Variants in SLTM observed in about 807,000 individuals in gnomAD.
SLTM encodes the protein SAFB-like transcription modulator.
A neutral mutation model predicts 134.6 loss-of-function variants in SLTM; 43 were observed. The ratio of observed to expected loss-of-function variants is 0.32; its 90% CI spans 0.25 to 0.41. The LOEUF (loss-of-function observed/expected upper bound fraction) is 0.41. Ranked by LOEUF, SLTM falls within the 10% of genes least tolerant of loss-of-function variation. SLTM has a pLI of 1.00. For missense variants in SLTM, 1,055 were observed against 1,288.8 expected (o/e 0.82, Z 2.78); for synonymous variants, 424 against 432.3 (o/e 0.98, Z 0.24).
intron 8 of SLTM, 54 bp downstream of exon 8, chr15:58,898,749 T>G: frequency 7.2e-7 from 1 of 1,394,198 alleles, no homozygotes; most frequent in South Asian, 1.2e-5. Context: ...TACTACTTTT[T>G]AATGAAAATA....
rs1467391730 is a variant in SLTM, at chr15:58,926,390, C to T, written c.250+5966G>A. 1.3e-5 allele frequency among the ~76,000 whole-genome samples: 2 copies of T among 152,104 alleles called. 1 individual carries two copies. The highest frequency in any genetic ancestry group is 4.8e-5 in the African/African-American group (2 of 41,420). On this transcript the variant is annotated intron_variant, in intron 2 of 20. Coordinates refer to ENST00000380516, the MANE Select transcript of SLTM (RefSeq NM_024755.4). ...TTTAAACATAAACCTCCTGTAAGTA[C>T]TTGCACATACACCTACACAACTTAG...
In SLTM at chr15:58,899,442, G is replaced by A. The variant is rs757124078; in HGVS notation, c.1058+27C>T. 8.9e-6 allele frequency: 14 copies of A among 1,577,128 alleles called. No homozygotes were observed. The highest frequency in any genetic ancestry group is 2.2e-5 in the East Asian group (1 of 44,668). Reference sequence around the variant, plus strand: ...TTATTGAATGCTGGAATTCAGTATCGTAAAGAACTGACATAGAAAAACAAA... The same window carrying A: ...TTATTGAATGCTGGAATTCAGTATCATAAAGAACTGACATAGAAAAACAAA... On this transcript the variant is annotated intron_variant, in intron 7 of 20. Transcript: ENST00000380516. The surrounding 1 kb of genome is among the most constrained non-coding windows in gnomAD (Gnocchi z 5.0).
intron 5 of SLTM, among the ~76,000 whole-genome samples, chr15:58,907,128 A>G (rs1324922720): frequency 2.6e-5 from 4 of 151,148 alleles, no homozygotes; most frequent in African/African-American, 9.7e-5. Context: ...AGCACTACAT[A>G]AAAGAGAGAG....
chr15:58,898,268 A>G (rs1377748235), intron 8 of SLTM: 1 of 152,206 alleles, frequency 6.6e-6, no homozygotes, highest in Non-Finnish European at 1.5e-5. Context: ...TAAACACAGC[A>G]CATGTACAAG....
chr15:58,893,566 C>G (rs1304024748), intron 12 of SLTM, among the ~76,000 whole-genome samples: 1 of 152,138 alleles, frequency 6.6e-6, no homozygotes, highest in Non-Finnish European at 1.5e-5. Context: ...ACCAAAAGAT[C>G]CTAATTCAAT....
intron 5 of SLTM, among the ~76,000 whole-genome samples, chr15:58,906,113 G>A (rs1352485771): frequency 6.6e-6 from 1 of 152,128 alleles, no homozygotes. Context: ...CAAAATACTT[G>A]CAATAAGGAA....
In SLTM at chr15:58,917,883, G is replaced by A. The variant is rs193041409; in HGVS notation, c.251-884C>T. 6.6e-4 allele frequency among the ~76,000 whole-genome samples: 100 copies of A among 152,076 alleles called. 1 individual carries two copies. The highest frequency in any genetic ancestry group is 2.1e-3 in the Admixed American group (32 of 15,264). On this transcript the variant is annotated intron_variant, in intron 2 of 20. Coordinates refer to ENST00000380516, the MANE Select transcript of SLTM (RefSeq NM_024755.4). ...TCCTACCTCAGCCTCCCAAGTAGCT[G>A]GAATTACAGGCACGAGGCACCATGC...
chr15:58,884,696 C>A (rs2034038775), intron 19 of SLTM, among the ~76,000 whole-genome samples: 1 of 151,710 alleles, frequency 6.6e-6, no homozygotes, highest in South Asian at 2.1e-4. Flanking sequence ...AGTGTTGCTA[C>A]CGTAACTCAC....
chr15:58,917,085 T>C (rs2036702873), intron 2 of SLTM, 86 bp from the exon 3 acceptor site: 3 of 1,190,108 alleles, frequency 2.5e-6, no homozygotes, highest in Non-Finnish European at 3.7e-6. Context: ...GCAATAGCAC[T>C]CTCCACTCCC....
Position 58,882,181 on chromosome 15 carries a change from C to A in SLTM, c.2996+1445G>T, listed in dbSNP as rs369512004. On this transcript the variant is annotated intron_variant, in intron 20 of 20. Coordinates refer to ENST00000380516, the MANE Select transcript of SLTM (RefSeq NM_024755.4). The stretch of plus-strand genomic sequence containing the variant: ...GCCTGGACAGAGCAAGACTCTGTCT[C>A]AAAAAAAAAAAACCACACTTAGAAA... 1.1e-3 allele frequency among the ~76,000 whole-genome samples: 68 copies of A among 59,520 alleles called. 1 individual carries two copies. Among genetic ancestry groups the A allele is most frequent in the South Asian group, 4.6e-3 (4 of 876 alleles). The allele number at this position is 59,520 out of a possible 152,430, so 39.0% of individuals were successfully genotyped here.
At position 58,932,447 on chromosome 15, in the gene SLTM, C is replaced by T. The variant is rs1292632037; in HGVS notation, c.163-4G>A. On this transcript the variant is annotated splice_region_variant and splice_polypyrimidine_tract_variant and intron_variant, in intron 1 of 20. Coordinates refer to ENST00000380516, the MANE Select transcript of SLTM (RefSeq NM_024755.4). ...CGCCTCCTTCCTCTTCAATAGCCTA[C>T]ATTAGAAAGAGAAGTTAATATGCTA... is the stretch of plus-strand genomic sequence containing the variant. 5 of 1,589,860 alleles carry T rather than the reference C, an allele frequency of 3.1e-6. No individual in the cohort carries two copies. The highest frequency in any genetic ancestry group is 1.7e-4 in the Middle Eastern group (1 of 6,026).
intron 2 of SLTM, among the ~76,000 whole-genome samples, chr15:58,917,814 A>G (rs1195080507): frequency 5.3e-5 from 8 of 152,090 alleles, no homozygotes; most frequent in African/African-American, 7.2e-5. Flanking sequence ...CAGTGGCGCA[A>G]TCTCGGCTCA....
rs748560951 is a variant in SLTM, at chr15:58,894,177, G to C, written c.1394C>G (p.Ser465Cys). The C allele has an allele frequency of 1.2e-6, 2 of 1,609,374 alleles. No individual in the cohort carries two copies. The highest frequency in any genetic ancestry group is 1.1e-5 in the South Asian group (1 of 90,522). The change falls in exon 11 of 21, where the codon TCT becomes TGT. Residue 465 changes from serine (S) to cysteine (C), a missense_variant. Around this residue, in one of 3 missense-constraint regions of SLTM, gnomAD observed 776 missense variants for 962.2 expected, o/e 0.81. Transcript: ENST00000380516. The stretch of plus-strand genomic sequence containing the variant: ...ATTTTCTTTCTTCATTTCTTTCTTA[G>C]AGGGATCACCTTTTACCTGAAAGGT... ...ISVEKVKGDP[S>C]KKEMKKENDE...
Position 58,889,509 on chromosome 15 carries a change from G to A in SLTM, c.2125C>T (p.Leu709Phe). The A allele has an allele frequency of 2.5e-6, 4 of 1,614,032 alleles. No individual in the cohort carries two copies. The highest frequency in any genetic ancestry group is 1.7e-5 in the Admixed American group (1 of 60,008). Residue 709 changes from leucine to phenylalanine, a missense_variant, in exon 16 of 21, where the codon CTC becomes TTC. Physicochemically the swap from Leu to Phe is conservative, Grantham distance 22 (BLOSUM62 0). Around this residue, in one of 3 missense-constraint regions of SLTM, gnomAD observed 776 missense variants for 962.2 expected, o/e 0.81. Transcript: ENST00000380516. Reference protein sequence around the residue: ...AERIAREREELRRQQQQLRYE... With the variant: ...AERIAREREEFRRQQQQLRYE... ...CGAAGCTGCTGTTGTTGCCTTCTGA[G>A]TTCCTCTCTTTCTCGAGCAATCCGT... is the stretch of plus-strand genomic sequence containing the variant.
chr15:58,920,372 C>G (rs1488089117), intron 2 of SLTM, among the ~76,000 whole-genome samples: 1 of 152,030 alleles, frequency 6.6e-6, no homozygotes, highest in Non-Finnish European at 1.5e-5. Flanking sequence ...GCCTGTAATC[C>G]CAGCACTTTG....
At chr15:58,919,202 C>T (rs901070910) in intron 2 of SLTM, among the ~76,000 whole-genome samples, 2 of 152,194 alleles carry the variant, frequency 1.3e-5, no homozygotes, top group East Asian at 1.9e-4. Context: ...CGTGAGCCAC[C>T]ACGCCCAGAT....
intron 17 of SLTM, among the ~76,000 whole-genome samples, chr15:58,887,949 T>C (rs139903763): frequency 1.2e-4 from 19 of 152,212 alleles, no homozygotes; most frequent in African/African-American, 4.6e-4. Context: ...TCAGAAGTGC[T>C]AGACCAGCCT....
rs773912513 is a variant in SLTM, at chr15:58,888,454, T to C, written c.2306A>G (p.Asn769Ser). 6 of 1,614,112 alleles carry C rather than the reference T, an allele frequency of 3.7e-6. No homozygotes were observed. Among genetic ancestry groups the C allele is most frequent in the South Asian group, 3.3e-5 (3 of 91,070 alleles). ...GCCCCTCTCTCGGTGATCAAAGTCA[T>C]TAAATCTGTTCTGTTGGCGAGAGTA... ...SDYSRQQNRF[N>S]DFDHRERGRF... is the part of the protein sequence containing the mutation. Residue 769 changes from asparagine (N) to serine (S), a missense_variant, in exon 17 of 21, where the codon AAT (asparagine) becomes AGT (serine). Physicochemically the swap from Asn to Ser is conservative, Grantham distance 46. Around this residue, in one of 3 missense-constraint regions of SLTM, gnomAD observed 776 missense variants for 962.2 expected, o/e 0.81. Coordinates refer to ENST00000380516, the MANE Select transcript of SLTM (RefSeq NM_024755.4).
At chr15:58,916,420 C>T (rs541569514) in intron 3 of SLTM, among the ~76,000 whole-genome samples, 14 of 152,256 alleles carry the variant, frequency 9.2e-5, no homozygotes, top group South Asian at 2.1e-4. Flanking sequence ...GTGATCCGCC[C>T]GCCTAGACCT....
Sources: allele counts gnomAD v4.1 joint callset (sites outside exome capture counted in the v4.1 genomes callset), GRCh38; gene constraint gnomAD v4.1.1; regional missense constraint gnomAD v4.1.1; non-coding constraint Gnocchi (gnomAD v3.1); transcripts MANE v1.5; gene names NCBI Gene and HGNC (gene_info 2026-07-23, HGNC 2026-07-21).